The following SCRN1 variants were observed in gnomAD, a reference collection of about 807,000 sequenced individuals.
The protein encoded by SCRN1 is secernin-1.
In SCRN1, 19 loss-of-function variants were observed where a neutral mutation model predicts 43.3. The observed-to-expected ratio is 0.44, with a 90% CI of 0.31 to 0.64. The LOEUF (loss-of-function observed/expected upper bound fraction) is 0.64. SCRN1 is among the 30% of genes least tolerant of loss of function. SCRN1 has a pLI of 0.09. For missense variants in SCRN1, 447 were observed against 524.1 expected, an observed-to-expected ratio of 0.85 and a Z score of 1.44; for synonymous variants, 183 against 188.9, an observed-to-expected ratio of 0.97 and a Z score of 0.26.
chr7:29,944,382 G>A (rs1291413540), intron 3 of SCRN1, among the ~76,000 whole-genome samples: 1 of 152,164 alleles, frequency 6.6e-6, no homozygotes, highest in East Asian at 1.9e-4. Flanking sequence ...AAACCATATG[G>A]GGTGGCCAGG....
intron 1 of SCRN1, among the ~76,000 whole-genome samples, chr7:29,976,487 T>C (rs1788840651): frequency 6.6e-6 from 1 of 152,200 alleles, no homozygotes; most frequent in Non-Finnish European, 1.5e-5. Context: ...ATGAAAAGGC[T>C]CTGGAGATCA....
intron 7 of SCRN1, among the ~76,000 whole-genome samples, chr7:29,924,478 G>C (rs1786875228): frequency 1.3e-5 from 2 of 152,172 alleles, no homozygotes; most frequent in Non-Finnish European, 1.5e-5. Flanking sequence ...CTGCACAGGT[G>C]GCCCTGCCCT....
intron 2 of SCRN1, 123 bp downstream of exon 2, chr7:29,968,786 C>A: frequency 8.3e-7 from 1 of 1,204,898 alleles, no homozygotes; most frequent in Non-Finnish European, 1.2e-6. Context: ...AAACAGGAAT[C>A]AGCAGAACTG....
In SCRN1 at chr7:29,936,562, G is replaced by A. The variant is rs1469858673; in HGVS notation, c.899C>T (p.Pro300Leu). The A allele has an allele frequency of 1.3e-6, 2 of 1,575,940 alleles. No individual in the cohort carries two copies. The highest frequency in any genetic ancestry group is 1.7e-6 in the Non-Finnish European group (2 of 1,151,448). The change falls in exon 6 of 8, where the codon CCT becomes CTT. Residue 300 changes from proline (P) to leucine (L), a missense_variant. Coordinates refer to ENST00000242059, the MANE Select transcript of SCRN1 (RefSeq NM_014766.5). ...CIHYFTGTPD[P>L]SRSIFKPFIF... ...GACCAGGCCTCGGACAAACCTGGAA[G>A]GATCAGGGGTTCCAGTGAAGTAGTG...
intron 2 of SCRN1, 131 bp from the exon 3 acceptor site, chr7:29,955,491 C>A: frequency 1.2e-6 from 1 of 819,782 alleles, no homozygotes; most frequent in African/African-American, 1.7e-5. Context: ...TGGGAATACC[C>A]TGATTTTTAA....
chr7:29,952,413 G>A (rs1166722184), intron 3 of SCRN1, among the ~76,000 whole-genome samples: 2 of 152,204 alleles, frequency 1.3e-5, no homozygotes, highest in Admixed American at 1.3e-4. Context: ...TCTGGGGTGG[G>A]ATGTGGTGGT....
At chr7:29,979,841 G>A (rs1788945391) in intron 1 of SCRN1, among the ~76,000 whole-genome samples, 1 of 152,144 alleles carries the variant, frequency 6.6e-6, no homozygotes, top group African/African-American at 2.4e-5. Context: ...AGCCAAATTA[G>A]AAAAATATAG....
intron 1 of SCRN1, among the ~76,000 whole-genome samples, chr7:29,976,818 C>T (rs1788850039): frequency 6.6e-6 from 1 of 152,192 alleles, no homozygotes; most frequent in South Asian, 2.1e-4. Flanking sequence ...GCTGCATGTA[C>T]CAGCATTCAT....
rs917809187 is a variant in SCRN1, at chr7:29,950,393, G to A, written c.341+4786C>T. Among the ~76,000 whole-genome samples, 1 of 152,192 alleles carries A rather than the reference G, an allele frequency of 6.6e-6. No individual in the cohort carries two copies. Among genetic ancestry groups the A allele is most frequent in the Admixed American group, 6.5e-5 (1 of 15,278 alleles). Reference sequence around the variant, plus strand: ...GCTGAGGGCAGCTCAGTGTGGGCCTGCCAGTGCCCCCCAAGATGAAAAACC... The same window carrying A: ...GCTGAGGGCAGCTCAGTGTGGGCCTACCAGTGCCCCCCAAGATGAAAAACC... On this transcript the variant is annotated intron_variant, in intron 3 of 7. Coordinates refer to ENST00000242059, the MANE Select transcript of SCRN1 (RefSeq NM_014766.5). The surrounding 1 kb of genome is among the most constrained non-coding windows in gnomAD (Gnocchi z 4.5).
intron 6 of SCRN1, 91 bp from the exon 7 acceptor site, chr7:29,926,723 A>T: frequency 5.8e-6 from 5 of 868,866 alleles, no homozygotes; most frequent in East Asian, 4.1e-5. Context: ...ACATTTCCCA[A>T]GCCAACTTAT....
rs1238172278 is a variant in SCRN1 at position 29,940,824 on chromosome 7, T to C, written c.597A>G (p.Ala199=). The change falls in exon 5 of 8, where the codon GCA becomes GCG. Residue 199 remains alanine, a synonymous_variant. Coordinates refer to ENST00000242059, the MANE Select transcript of SCRN1 (RefSeq NM_014766.5). ...CGTAACTCCTGAGTTCCGGATGCTC[T>C]GCATCCATCTTAGTGGTGAGCGAAA... The part of the protein sequence containing the change: ...SQLSLTTKMD[A]EHPELRSYAQ... 6.2e-7 allele frequency: 1 copy of C among 1,600,410 alleles called. No individual in the cohort carries two copies.
upstream of SCRN1, chr7:29,989,836 G>A: frequency 1.0e-6 from 1 of 982,628 alleles, no homozygotes; most frequent in Non-Finnish European, 1.2e-6. Context: ...CGCAGCAGCT[G>A]GCCCGACTCA....
chr7:29,975,287 G>A (rs1211183711), intron 1 of SCRN1, among the ~76,000 whole-genome samples: 2 of 152,122 alleles, frequency 1.3e-5, no homozygotes, highest in East Asian at 1.9e-4. Flanking sequence ...AGTGAACAGA[G>A]TTTGTCCAGA....
At chr7:29,990,261 C>T (rs1053533798), upstream of SCRN1, 1 of 1,551,476 alleles carries the variant, frequency 6.4e-7, no homozygotes, top group African/African-American at 1.4e-5. Flanking sequence ...CAGACCCTGT[C>T]CCAGGTACTT....
At position 29,923,995 on chromosome 7, in the gene SCRN1, A is replaced by G. The variant is rs1421325394; in HGVS notation, c.1207T>C (p.Tyr403His). 1.9e-6 allele frequency: 3 copies of G among 1,614,118 alleles called. No individual in the cohort carries two copies. The highest frequency in any genetic ancestry group is 1.6e-4 in the Middle Eastern group (1 of 6,062). Residue 403 changes from tyrosine (Y) to histidine (H), a missense_variant, in exon 8 of 8, where the codon TAT becomes CAT. By Grantham distance (83) the Tyr-to-His change is moderately conservative. Coordinates refer to ENST00000242059, the MANE Select transcript of SCRN1 (RefSeq NM_014766.5). ...LDPAEVGDLF[Y>H]DCVDTEIKFF... ...TTAATCTCCGTGTCAACACAGTCATAGAAAAGGTCCCCCACTTCCGCAGGG... is the reference window on the plus strand; with the variant it reads ...TTAATCTCCGTGTCAACACAGTCATGGAAAAGGTCCCCCACTTCCGCAGGG...
chr7:29,976,312 C>G (rs1194136352), intron 1 of SCRN1, among the ~76,000 whole-genome samples: 1 of 152,174 alleles, frequency 6.6e-6, no homozygotes, highest in African/African-American at 2.4e-5. Flanking sequence ...TCAAGTTAAA[C>G]AGCCAATATT....
chr7:29,953,281 C>A (rs1051750455), intron 3 of SCRN1, among the ~76,000 whole-genome samples: 5 of 152,206 alleles, frequency 3.3e-5, no homozygotes, highest in African/African-American at 9.6e-5. Flanking sequence ...TGCAACCAGA[C>A]TAAAATCCCT....
chr7:29,962,552 G>A lies in SCRN1; in HGVS notation c.159+6357C>T, dbSNP rs561880578. On this transcript the variant is annotated intron_variant, in intron 2 of 7. Coordinates refer to ENST00000242059, the MANE Select transcript of SCRN1 (RefSeq NM_014766.5). Reference sequence around the variant, plus strand: ...AAAATACGAAAATTAGCCGGCTATGGTGGCACATGCCTGTAATCCCAGCTA... The same window carrying A: ...AAAATACGAAAATTAGCCGGCTATGATGGCACATGCCTGTAATCCCAGCTA... Among the ~76,000 whole-genome samples, 350 of 152,146 alleles carry A rather than the reference G, an allele frequency of 2.3e-3. 2 individuals are homozygous for A. The highest frequency in any genetic ancestry group is 8.1e-3 in the African/African-American group (337 of 41,526).
chr7:29,961,054 A>C (rs189946955), intron 2 of SCRN1, among the ~76,000 whole-genome samples: 63 of 132,580 alleles, frequency 4.8e-4, no homozygotes, highest in African/African-American at 1.7e-3. Flanking sequence ...GGAGGATCTT[A>C]TTTCTTTTTT....
Sources: allele counts gnomAD v4.1 joint callset (sites outside exome capture counted in the v4.1 genomes callset), GRCh38; gene constraint gnomAD v4.1.1; non-coding constraint Gnocchi (gnomAD v3.1); transcripts MANE v1.5; gene names NCBI Gene and HGNC (gene_info 2026-07-23, HGNC 2026-07-21).